Variants in SLC17A5 observed in about 807,000 individuals in gnomAD.
SLC17A5 encodes sialin.
In SLC17A5, 47 loss-of-function variants were observed where a neutral mutation model predicts 59.4. That is an observed-to-expected ratio of 0.79 (90% CI 0.63 to 1.01). The LOEUF (loss-of-function observed/expected upper bound fraction) is 1.01, where lower values mean the gene tolerates loss of function less well. Among genes scored for constraint, SLC17A5 ranks in the 50% least tolerant of loss-of-function variants. The pLI is 0.00. For synonymous variants in SLC17A5, 202 were observed against 210.7 expected (o/e 0.96, Z 0.36); for missense variants, 522 against 595.5 (o/e 0.88, Z 1.28).
intron 4 of SLC17A5, among the ~76,000 whole-genome samples, chr6:73,636,954 C>T (rs1272491398): frequency 6.6e-6 from 1 of 151,886 alleles, no homozygotes; most frequent in African/African-American, 2.4e-5. Flanking sequence ...GGTGGTGATG[C>T]ACGCCTGTAG....
rs182706177 is a variant in SLC17A5, at chr6:73,617,057, G to A, written c.979-1610C>T. Reference sequence around the variant, plus strand: ...TGTAATCCCAGCACTTTGGGAGGCCGCGGAGGAAGAATCACTTGAGGACGG... The same window carrying A: ...TGTAATCCCAGCACTTTGGGAGGCCACGGAGGAAGAATCACTTGAGGACGG... On this transcript the variant is annotated intron_variant, in intron 7 of 10. Coordinates refer to ENST00000355773, the MANE Select transcript of SLC17A5 (RefSeq NM_012434.5). 4.3e-3 allele frequency among the ~76,000 whole-genome samples: 656 copies of A among 150,968 alleles called. 6 individuals carry two copies. The highest frequency in any genetic ancestry group is 0.015 in the African/African-American group (618 of 41,186).
chr6:73,617,931 A>C (rs1767944503), intron 7 of SLC17A5, among the ~76,000 whole-genome samples: 1 of 151,406 alleles, frequency 6.6e-6, no homozygotes. Flanking sequence ...TATTTAAAAA[A>C]ATTGATTCCA....
intron 1 of SLC17A5, among the ~76,000 whole-genome samples, chr6:73,648,852 G>T (rs1562002340): frequency 1.3e-5 from 2 of 152,042 alleles, no homozygotes; most frequent in South Asian, 4.1e-4. Context: ...CATGTACAGA[G>T]GTATGGAAAT....
Position 73,602,723 on chromosome 6 carries a change from A to C in SLC17A5, c.1260-2282T>G, listed in dbSNP as rs867578857. ...CTGGGAGGCGGAGCTTGCAGTGAGC[A>C]GAGATCGCGCCACTGCACTCCAGCC... On this transcript the variant is annotated intron_variant, in intron 9 of 10. Transcript: ENST00000355773. 2.3e-3 allele frequency among the ~76,000 whole-genome samples: 342 copies of C among 151,240 alleles called. 2 individuals are homozygous for C. Among genetic ancestry groups the C allele is most frequent in the African/African-American group, 7.8e-3 (323 of 41,194 alleles).
At chr6:73,621,201 C>G (rs1269813715) in intron 7 of SLC17A5, among the ~76,000 whole-genome samples, 11 of 152,120 alleles carry the variant, frequency 7.2e-5, no homozygotes, top group African/African-American at 2.7e-4. Context: ...GATGAGGTTT[C>G]TCCATATTTG....
intron 10 of SLC17A5, among the ~76,000 whole-genome samples, chr6:73,597,402 G>A (rs1766863341): frequency 6.6e-6 from 1 of 152,106 alleles, no homozygotes; most frequent in Non-Finnish European, 1.5e-5. Flanking sequence ...GGGAGGCGGA[G>A]TTTGCAGTGA....
chr6:73,609,331 C>A lies in SLC17A5; in HGVS notation c.1259+1069G>T, dbSNP rs550014808. On this transcript the variant is annotated intron_variant, in intron 9 of 10. Coordinates refer to ENST00000355773, the MANE Select transcript of SLC17A5 (RefSeq NM_012434.5). ...GGCTTAAAAGTAAAAATTTTAGGTT[C>A]AAGTTTTGGCTCTATCATTTATTAT... 2.8e-4 allele frequency among the ~76,000 whole-genome samples: 43 copies of A among 152,246 alleles called. 3 individuals are homozygous for A. The highest frequency in any genetic ancestry group is 2.6e-3 in the Admixed American group (39 of 15,262).
At chr6:73,640,070 T>C (rs1310819454) in intron 3 of SLC17A5, among the ~76,000 whole-genome samples, 1 of 151,988 alleles carries the variant, frequency 6.6e-6, no homozygotes, top group African/African-American at 2.4e-5. Flanking sequence ...AATAAATAAA[T>C]GAATAAATAA....
At chr6:73,650,342 A>T (rs569263) in intron 1 of SLC17A5, among the ~76,000 whole-genome samples, 126,302 of 150,968 alleles carry the variant, frequency 0.84, 53,927 homozygotes, top group Non-Finnish European at 0.93. Context: ...ACCCCTTCTG[A>T]ACTAAAAATA....
In SLC17A5 at chr6:73,594,538, C is replaced by T. The variant is rs1312255156; in HGVS notation, c.*539G>A. 2.3e-5 allele frequency: 4 copies of T among 172,414 alleles called. No homozygotes were observed. The East Asian group carries it at 4.8e-4, about 21-fold the overall frequency. The allele number at this position is 172,414 out of a possible 1,614,324, so 10.7% of individuals were successfully genotyped here. On this transcript the variant is annotated 3_prime_UTR_variant, in exon 11 of 11. Coordinates refer to ENST00000355773, the MANE Select transcript of SLC17A5 (RefSeq NM_012434.5). ...CTGCCTCTGATAAACGCTGGGCACTCTGACCCTGAAGCCAGGGAGGGAGTG... is the reference window on the plus strand; with the variant it reads ...CTGCCTCTGATAAACGCTGGGCACTTTGACCCTGAAGCCAGGGAGGGAGTG...
At chr6:73,600,561 G>A (rs1767011521) in intron 9 of SLC17A5, 120 bp from the exon 10 acceptor site, 4 of 802,494 alleles carry the variant, frequency 5.0e-6, no homozygotes, top group South Asian at 4.6e-5. Context: ...CAGGCTTGAG[G>A]GCAGTGGGAT....
chr6:73,644,751 C>T (rs1769459632), intron 1 of SLC17A5, 148 bp from the exon 2 acceptor site: 2 of 648,082 alleles, frequency 3.1e-6, no homozygotes, highest in South Asian at 4.1e-5. Context: ...TGATTATAGG[C>T]ATTGGCCACC....
intron 6 of SLC17A5, among the ~76,000 whole-genome samples, chr6:73,626,984 C>T (rs1371044476): frequency 1.3e-5 from 2 of 152,030 alleles, no homozygotes; most frequent in African/African-American, 4.8e-5. Flanking sequence ...GTTGACCAGG[C>T]TGGTCTTGAA....
At position 73,635,419 on chromosome 6, in the gene SLC17A5, T is replaced by C. The variant is rs752535056; in HGVS notation, c.782A>G (p.Tyr261Cys). The C allele has an allele frequency of 5.6e-6, 9 of 1,607,260 alleles. No individual in the cohort carries two copies. The African/African-American group carries it at 9.4e-5, about 17-fold the overall frequency. The change falls in exon 6 of 11, where the codon TAT becomes TGT. Residue 261 changes from tyrosine (Y) to cysteine (C), a missense_variant. Tyr to Cys is a radical substitution (Grantham distance 194). Transcript: ENST00000355773. ...TPQKHKRISH[Y>C]EKEYILSSLR... ...TGATGAAAGAATGTATTCCTTTTCA[T>C]AATGGGAAATTCTCTTGTGTTTTTG...
In SLC17A5 at chr6:73,644,400, C is replaced by A. The variant is rs1211429440; in HGVS notation, c.291+7G>T. 4 of 1,607,936 alleles carry A rather than the reference C, an allele frequency of 2.5e-6. No individual in the cohort carries two copies. The highest frequency in any genetic ancestry group is 3.3e-4 in the Middle Eastern group (2 of 6,024). On this transcript the variant is annotated splice_region_variant and intron_variant, in intron 2 of 10. Transcript: ENST00000355773. ...TTAAAATTGTTTCCTTAAAAAATAG[C>A]ACCTACCGTTTGATTATGATGAACT... is the stretch of plus-strand genomic sequence containing the variant.
At chr6:73,653,439 G>A (rs967934638) in intron 1 of SLC17A5, 1 of 985,210 alleles carries the variant, frequency 1.0e-6, no homozygotes, top group Non-Finnish European at 1.2e-6. Context: ...TCTTCCACTG[G>A]GTCCCTTGCT....
intron 6 of SLC17A5, among the ~76,000 whole-genome samples, chr6:73,634,099 A>G (rs1768891245): frequency 6.6e-6 from 1 of 152,102 alleles, no homozygotes; most frequent in South Asian, 2.1e-4. Context: ...AGAATTTAGT[A>G]TATTGAATTA....
chr6:73,644,778 AT>A (rs1769462102), intron 1 of SLC17A5, among the ~76,000 whole-genome samples, 175 bp from the exon 2 acceptor site: 1 of 152,190 alleles, frequency 6.6e-6, no homozygotes, highest in Non-Finnish European at 1.5e-5. Flanking sequence ...GGCTGCTTTA[AT>A]TAAAAAAGTT....
At chr6:73,626,390 A>G (rs564384751) in intron 6 of SLC17A5, among the ~76,000 whole-genome samples, 4 of 152,236 alleles carry the variant, frequency 2.6e-5, no homozygotes, top group Admixed American at 6.5e-5. Flanking sequence ...TTCATTTGTA[A>G]TCTAGGTACA....
Sources: gnomAD v4.1 joint callset for allele counts (sites outside exome capture counted in the v4.1 genomes callset) on GRCh38, gnomAD v4.1.1 for gene constraint, MANE v1.5 for transcripts, NCBI Gene and HGNC (gene_info 2026-07-23, HGNC 2026-07-21) for gene names.